NDUFS6: variants seen among roughly 807,000 people sequenced by gnomAD.
The protein encoded by NDUFS6 is NADH:ubiquinone oxidoreductase subunit S6.
A neutral mutation model predicts 13.2 loss-of-function variants in NDUFS6; 14 were observed. That is an observed-to-expected ratio of 1.06 (90% CI 0.70 to 1.66). NDUFS6 has a LOEUF of 1.66. Among genes scored for constraint, NDUFS6 ranks in the 40% most tolerant of loss-of-function variants. The probability of loss-of-function intolerance (pLI) is 0.00; values close to 1 mark genes in which losing one functional copy is unlikely to be tolerated. For synonymous variants in NDUFS6, 95 were observed against 72.3 expected (o/e 1.31, Z -1.60); for missense variants, 206 against 170.8 (o/e 1.21, Z -1.15).
rs775282041 is a variant in NDUFS6 at position 1,801,467 on chromosome 5, C to T, written c.50C>T (p.Ala17Val). The T allele has an allele frequency of 6.2e-7, 1 of 1,603,722 alleles. No individual in the cohort carries two copies. The highest frequency in any genetic ancestry group is 2.2e-5 in the East Asian group (1 of 44,788). ...CGGCTGCTGAACCGGTGTGGCGAGG[C>T]GGCGCGGAGCCTGCCCCTGGGCGCC... ...FCRLLNRCGE[A>V]ARSLPLGARC... Residue 17 changes from alanine to valine, a missense_variant, in exon 1 of 4, where the codon GCG becomes GTG. Transcript: ENST00000274137.
At chr5:1,803,930 G>A (rs974171850) in intron 2 of NDUFS6, among the ~76,000 whole-genome samples, 1 of 152,228 alleles carries the variant, frequency 6.6e-6, no homozygotes, top group African/African-American at 2.4e-5. Flanking sequence ...CGTGGAGAAG[G>A]GGAGGTTTCT....
At chr5:1,805,893 C>T (rs1312360297) in intron 2 of NDUFS6, among the ~76,000 whole-genome samples, 3 of 152,034 alleles carry the variant, frequency 2.0e-5, no homozygotes, top group Non-Finnish European at 4.4e-5. Flanking sequence ...ATTCAGGCTC[C>T]TGCGCTGATG....
chr5:1,812,140 G>A (rs2111358764), intron 2 of NDUFS6, among the ~76,000 whole-genome samples: 1 of 152,240 alleles, frequency 6.6e-6, no homozygotes, highest in African/African-American at 2.4e-5. Context: ...CCAAGGTTGA[G>A]GGCTGTGTCT....
At chr5:1,808,666 T>A in intron 2 of NDUFS6, among the ~76,000 whole-genome samples, 1 of 152,348 alleles carries the variant, frequency 6.6e-6, no homozygotes, top group African/African-American at 2.4e-5. Flanking sequence ...GCAAAATTAG[T>A]CACTGGATTC....
At chr5:1,809,097 G>A (rs376686629) in intron 2 of NDUFS6, among the ~76,000 whole-genome samples, 2 of 152,134 alleles carry the variant, frequency 1.3e-5, no homozygotes, top group East Asian at 1.9e-4. Flanking sequence ...GACTCCTAAA[G>A]ATTTAAACCT....
chr5:1,806,999 A>G (rs937268345), intron 2 of NDUFS6, among the ~76,000 whole-genome samples: 5 of 152,178 alleles, frequency 3.3e-5, no homozygotes, highest in Non-Finnish European at 7.3e-5. Flanking sequence ...GCCCCACAAC[A>G]CGGATAAGCC....
chr5:1,802,296 A>C lies in NDUFS6; in HGVS notation c.133-25A>C, dbSNP rs553279833. 1.9e-6 allele frequency: 3 copies of C among 1,606,992 alleles called. No individual in the cohort carries two copies. The African/African-American group carries it at 4.0e-5, about 21-fold the overall frequency. ...TTCAGAATTAGGCCGTAAAAGTCAC[A>C]CATGGTCTTTTTGTTTTTTTCCAGG... On this transcript the variant is annotated intron_variant, in intron 1 of 3. Coordinates refer to ENST00000274137, the MANE Select transcript of NDUFS6 (RefSeq NM_004553.6).
At chr5:1,805,526 G>C (rs1000862727) in intron 2 of NDUFS6, among the ~76,000 whole-genome samples, 1 of 152,196 alleles carries the variant, frequency 6.6e-6, no homozygotes, top group Non-Finnish European at 1.5e-5. Context: ...CCTGTGAGGA[G>C]ACTCCTCACG....
Position 1,801,460 on chromosome 5 carries a change from G to A in NDUFS6, c.43G>A (p.Gly15Ser). 3 of 1,604,422 alleles carry A rather than the reference G, an allele frequency of 1.9e-6. No homozygotes were observed. Among genetic ancestry groups the A allele is most frequent in the Non-Finnish European group, 1.7e-6 (2 of 1,178,726 alleles). ...CTTCTGCCGGCTGCTGAACCGGTGT[G>A]GCGAGGCGGCGCGGAGCCTGCCCCT... Reference protein sequence around the residue: ...MTFCRLLNRCGEAARSLPLGA... With the variant: ...MTFCRLLNRCSEAARSLPLGA... Residue 15 changes from glycine to serine, a missense_variant, in exon 1 of 4, where the codon GGC (glycine) becomes AGC (serine). Physicochemically the swap from Gly to Ser is moderately conservative, Grantham distance 56. Coordinates refer to ENST00000274137, the MANE Select transcript of NDUFS6 (RefSeq NM_004553.6).
Position 1,814,470 on chromosome 5 carries a change from C to T in NDUFS6, c.309+9C>T. On this transcript the variant is annotated intron_variant, in intron 3 of 3. Coordinates refer to ENST00000274137, the MANE Select transcript of NDUFS6 (RefSeq NM_004553.6). This position sits in a 1 kb window ranked among gnomAD's most constrained non-coding sequence, Gnocchi z 4.9. ...AAGTGTATATAAACTTGGTGCGTAGCTGGCCACCTGTGCACATGTTAGGGC... is the reference window on the plus strand; with the variant it reads ...AAGTGTATATAAACTTGGTGCGTAGTTGGCCACCTGTGCACATGTTAGGGC... 1 of 1,614,192 alleles carries T rather than the reference C, an allele frequency of 6.2e-7. No homozygotes were observed. Among genetic ancestry groups the T allele is most frequent in the Non-Finnish European group, 8.5e-7 (1 of 1,180,044 alleles).
chr5:1,805,534 A>G (rs1221056694), intron 2 of NDUFS6, among the ~76,000 whole-genome samples: 1 of 152,194 alleles, frequency 6.6e-6, no homozygotes, highest in Non-Finnish European at 1.5e-5. Context: ...GAGACTCCTC[A>G]CGTGCTAAAG....
At chr5:1,802,431 A>C in intron 2 of NDUFS6, 57 bp downstream of exon 2, 1 of 1,395,268 alleles carries the variant, frequency 7.2e-7, no homozygotes, top group Non-Finnish European at 1.0e-6. Context: ...TATGTAACCA[A>C]CAAGAAATAA....
In NDUFS6 at chr5:1,814,235, A is replaced by G; in HGVS notation, c.187-104A>G. 3 of 1,499,996 alleles carry G rather than the reference A, an allele frequency of 2.0e-6. No individual in the cohort carries two copies. Among genetic ancestry groups the G allele is most frequent in the African/African-American group, 1.4e-5 (1 of 72,396 alleles). The allele number at this position is 1,499,996 out of a possible 1,614,324, so 92.9% of individuals were successfully genotyped here. On this transcript the variant is annotated intron_variant, in intron 2 of 3. Transcript: ENST00000274137. The surrounding 1 kb of genome is among the most constrained non-coding windows in gnomAD (Gnocchi z 4.9). ...ATAATAGTTAAATGAAGCATGCACC[A>G]TAGATTCGTGCTGATGGTACATGAA...
At chr5:1,804,171 T>C (rs897239167) in intron 2 of NDUFS6, among the ~76,000 whole-genome samples, 2 of 152,208 alleles carry the variant, frequency 1.3e-5, no homozygotes, top group African/African-American at 4.8e-5. Flanking sequence ...AGCCCCAGAT[T>C]GAGCAGTTCT....
intron 2 of NDUFS6, among the ~76,000 whole-genome samples, chr5:1,808,556 G>A (rs1230745056): frequency 6.6e-6 from 1 of 152,174 alleles, no homozygotes; most frequent in Non-Finnish European, 1.5e-5. Context: ...GTGAGCTGGC[G>A]AGATGGGCTT....
rs1259384998 is a variant in NDUFS6, at chr5:1,805,305, G to C, written c.186+2931G>C. On this transcript the variant is annotated intron_variant, in intron 2 of 3. Coordinates refer to ENST00000274137, the MANE Select transcript of NDUFS6 (RefSeq NM_004553.6). ...AGATCATGCCATTGTACTCCAGCCTGGGCAACAGAGCAAGACTCTATCTCC... is the reference window on the plus strand; with the variant it reads ...AGATCATGCCATTGTACTCCAGCCTCGGCAACAGAGCAAGACTCTATCTCC... Among the ~76,000 whole-genome samples, 5 of 152,146 alleles carry C rather than the reference G, an allele frequency of 3.3e-5. No homozygotes were observed. In the East Asian group the frequency reaches 9.6e-4, roughly 29 times the overall value.
chr5:1,809,533 G>T (rs1579215359), intron 2 of NDUFS6, among the ~76,000 whole-genome samples: 2 of 152,220 alleles, frequency 1.3e-5, no homozygotes, highest in African/African-American at 4.8e-5. Flanking sequence ...GTTTGCTGGT[G>T]ATGGGCGGTC....
chr5:1,815,720 TCTTA>T (rs757474836), intron 3 of NDUFS6, 127 bp from the exon 4 acceptor site: 211 of 955,198 alleles, frequency 2.2e-4, no homozygotes, highest in Non-Finnish European at 2.9e-4. Context: ...CAGTCTGCAT[TCTTA>T]CTTCAGTAGT....
intron 2 of NDUFS6, among the ~76,000 whole-genome samples, chr5:1,812,311 A>C (rs1474846341): frequency 2.6e-5 from 4 of 152,066 alleles, no homozygotes; most frequent in Admixed American, 1.3e-4. Flanking sequence ...CCTGTCTCTC[A>C]ACACTGTTGC....
Sources: gnomAD v4.1 joint callset for allele counts (sites outside exome capture counted in the v4.1 genomes callset) on GRCh38, gnomAD v4.1.1 for gene constraint, Gnocchi (gnomAD v3.1) non-coding constraint, MANE v1.5 for transcripts, NCBI Gene and HGNC (gene_info 2026-07-23, HGNC 2026-07-21) for gene names.